The following HSPB7 variants were observed in gnomAD, a reference collection of about 807,000 sequenced individuals.
HSPB7 encodes the protein heat shock protein family B (small) member 7.
A neutral mutation model predicts 11.0 loss-of-function variants in HSPB7; 9 were observed. The observed-to-expected ratio is 0.82, with a 90% confidence interval of 0.49 to 1.43. The LOEUF (loss-of-function observed/expected upper bound fraction) is 1.43. Ranked by LOEUF, HSPB7 falls within the 40% of genes most tolerant of loss-of-function variation. The pLI is 0.00. For synonymous variants in HSPB7, 102 were observed against 101.6 expected, an observed-to-expected ratio of 1.00 and a Z score of -0.02; for missense variants, 246 against 243.9, an observed-to-expected ratio of 1.01 and a Z score of -0.06.
Position 16,017,166 on chromosome 1 carries a change from C to T in HSPB7, c.241G>A (p.Ala81Thr), listed in dbSNP as rs760792798. The stretch of plus-strand genomic sequence containing the variant: ...CTCACGTCCACCGCAAACTCATAGG[C>T]GTCTCCTAGGGTCTTGATGTTGCCT... The part of the protein sequence containing the change: ...GAGNIKTLGD[A>T]YEFAVDVRDF... Residue 81 changes from alanine to threonine, a missense_variant, in exon 2 of 3, where the codon GCC (alanine) becomes ACC (threonine). Coordinates refer to ENST00000311890, the MANE Select transcript of HSPB7 (RefSeq NM_014424.5). The T allele has an allele frequency of 5.9e-5, 96 of 1,613,720 alleles. No individual in the cohort carries two copies. The highest frequency in any genetic ancestry group is 8.0e-5 in the Non-Finnish European group (94 of 1,179,808).
chr1:16,015,476 G>A lies in HSPB7; in HGVS notation c.*104C>T, dbSNP rs2021633039. The A allele has an allele frequency of 1.7e-6, 2 of 1,149,280 alleles. No homozygotes were observed. Among genetic ancestry groups the A allele is most frequent in the East Asian group, 5.0e-5 (2 of 39,774 alleles). 71.2% of individuals were successfully genotyped at this position (1,149,280 alleles called of 1,614,324 possible). ...CACCTGGGGTCTGGGGTGCGTGGGG[G>A]CTAGAACCTGGGCTGAGATGTCCTG... On this transcript the variant is annotated 3_prime_UTR_variant, in exon 3 of 3. Coordinates refer to ENST00000311890, the MANE Select transcript of HSPB7 (RefSeq NM_014424.5). This position sits in a 1 kb window ranked among gnomAD's most constrained non-coding sequence, Gnocchi z 4.9.
chr1:16,018,915 T>G (rs2021956052), upstream of HSPB7: 2 of 1,198,762 alleles, frequency 1.7e-6, no homozygotes, highest in African/African-American at 3.1e-5. Flanking sequence ...GTGGAGGGGC[T>G]CTTCCCATGT....
rs769440200 is a variant in HSPB7 at position 16,017,904 on chromosome 1, AGAG to A, written c.57_59del (p.Ser25del). Reference sequence around the variant, plus strand: ...AGGAGGAGGTGGAAGAGGAGGAGGAAGAGGAAGAGGAATGGAAACTTCTCTCCG... The same window carrying A: ...AGGAGGAGGTGGAAGAGGAGGAGGAAGAAGAGGAATGGAAACTTCTCTCCG... On this transcript the variant is annotated inframe_deletion, in exon 1 of 3. Transcript: ENST00000311890. 11 of 1,613,326 alleles carry A rather than the reference AGAG, an allele frequency of 6.8e-6. No homozygotes were observed. Among genetic ancestry groups the A allele is most frequent in the African/African-American group, 2.7e-5 (2 of 74,936 alleles).
In HSPB7 at chr1:16,015,560, G is replaced by GA. The variant is rs1287293629; in HGVS notation, c.*19dup. The GA allele has an allele frequency of 1.9e-6, 3 of 1,612,628 alleles. No individual in the cohort carries two copies. The highest frequency in any genetic ancestry group is 2.5e-6 in the Non-Finnish European group (3 of 1,178,910). On this transcript the variant is annotated 3_prime_UTR_variant, in exon 3 of 3. Coordinates refer to ENST00000311890, the MANE Select transcript of HSPB7 (RefSeq NM_014424.5). The surrounding 1 kb of genome is among the most constrained non-coding windows in gnomAD (Gnocchi z 4.9). ...GGCAGGCGTGGGGCGGGGGGACAGG[G>GA]AAAGGGAAGGGAGAGGCACTCAGAT...
chr1:16,018,092 T>G (rs1216311089), upstream of HSPB7: 1 of 1,566,470 alleles, frequency 6.4e-7, no homozygotes, highest in African/African-American at 1.4e-5. Context: ...TCCCTGGGCT[T>G]GGGGCCAGCC....
intron 1 of HSPB7, 96 bp from the exon 2 acceptor site, chr1:16,017,303 C>T (rs2021812177): frequency 6.7e-7 from 1 of 1,482,864 alleles, no homozygotes; most frequent in Non-Finnish European, 9.2e-7. Flanking sequence ...GGCGGCTCCC[C>T]CAGGCCCTAC....
chr1:16,016,564 G>A (rs2021744054), intron 2 of HSPB7, among the ~76,000 whole-genome samples: 1 of 152,194 alleles, frequency 6.6e-6, no homozygotes, highest in South Asian at 2.1e-4. Flanking sequence ...CCCCTGCCCA[G>A]CCTCGGGCCT....
At chr1:16,019,182 C>G (rs1466065985), upstream of HSPB7, 2 of 1,550,468 alleles carry the variant, frequency 1.3e-6, no homozygotes, top group African/African-American at 1.4e-5. Context: ...GCCAGGCCCT[C>G]TGCTCTGCCC....
At chr1:16,019,489 G>A (rs2021983848), upstream of HSPB7, 4 of 1,530,700 alleles carry the variant, frequency 2.6e-6, no homozygotes, top group East Asian at 7.4e-5. Context: ...GGTTCTTGAA[G>A]ACGGGCAGTT....
At position 16,015,794 on chromosome 1, in the gene HSPB7, C is replaced by A; in HGVS notation, c.334-35G>T. The A allele has an allele frequency of 6.5e-7, 1 of 1,540,764 alleles. No homozygotes were observed. Among genetic ancestry groups the A allele is most frequent in the East Asian group, 2.3e-5 (1 of 44,078 alleles). On this transcript the variant is annotated intron_variant, in intron 2 of 2. Transcript: ENST00000311890. This position sits in a 1 kb window ranked among gnomAD's most constrained non-coding sequence, Gnocchi z 4.9. The stretch of plus-strand genomic sequence containing the variant: ...GGGTGACCCGTCAGGCAGGCTGCCC[C>A]GACCCCTGTCCTGCTTGTGACAAGC...
At chr1:16,018,238 T>C, upstream of HSPB7, 2 of 1,447,734 alleles carry the variant, frequency 1.4e-6, no homozygotes, top group Admixed American at 2.1e-5. Flanking sequence ...TCCAGGCTGA[T>C]CACAGCAGCC....
At chr1:16,019,537 C>T, upstream of HSPB7, 3 of 1,476,380 alleles carry the variant, frequency 2.0e-6, no homozygotes, top group South Asian at 1.4e-5. Context: ...CAGTCTGGAG[C>T]TTCATCCTGG....
In HSPB7 at chr1:16,015,345, A is replaced by T; in HGVS notation, c.*235T>A. ...CCTGACCCCAGCCCCTGTACTCTGGATTAAGTGACGGAGGCCAAATCTGAA... is the reference window on the plus strand; with the variant it reads ...CCTGACCCCAGCCCCTGTACTCTGGTTTAAGTGACGGAGGCCAAATCTGAA... On this transcript the variant is annotated 3_prime_UTR_variant, in exon 3 of 3. Transcript: ENST00000311890. This position sits in a 1 kb window ranked among gnomAD's most constrained non-coding sequence, Gnocchi z 4.9. 1 of 534,384 alleles carries T rather than the reference A, an allele frequency of 1.9e-6. No homozygotes were observed. The highest frequency in any genetic ancestry group is 3.3e-5 in the East Asian group (1 of 29,886). 33.1% of individuals were successfully genotyped at this position (534,384 alleles called of 1,614,324 possible). A position where few individuals can be genotyped will look rare whatever the true frequency, so the allele number is the denominator to read the frequency against.
At chr1:16,018,566 G>A, upstream of HSPB7, 2 of 1,059,240 alleles carry the variant, frequency 1.9e-6, no homozygotes, top group Non-Finnish European at 2.3e-6. Flanking sequence ...CCTGCCAGGG[G>A]GTGTAAAATG....
upstream of HSPB7, chr1:16,019,322 G>C (rs547933741): frequency 3.0e-5 from 43 of 1,426,028 alleles, no homozygotes; most frequent in Middle Eastern, 3.5e-4. Context: ...ACCCAGTCCA[G>C]ATGCCCCCAG....
chr1:16,017,351 TC>T lies in HSPB7; in HGVS notation c.200-145del. ...TGTTTCTCCCTAAGCTCCTCCTCAT[TC>T]CTACAGCCCACCTTTTCTGGGGTGG... is the stretch of plus-strand genomic sequence containing the variant. On this transcript the variant is annotated intron_variant, in intron 1 of 2. Transcript: ENST00000311890. 5.6e-6 allele frequency: 6 copies of T among 1,063,966 alleles called. 1 individual carries two copies. The South Asian group carries it at 9.4e-5, about 17-fold the overall frequency. 65.9% of individuals were successfully genotyped at this position (1,063,966 alleles called of 1,614,324 possible).
rs142826385 is a variant in HSPB7, at chr1:16,015,608, T to C, written c.485A>G (p.Gln162Arg). 2 of 1,613,986 alleles carry C rather than the reference T, an allele frequency of 1.2e-6. No individual in the cohort carries two copies. Among genetic ancestry groups the C allele is most frequent in the Non-Finnish European group, 1.7e-6 (2 of 1,179,996 alleles). ...RRHPHTEHVQ[Q>R]TFRTEIKI is the part of the protein sequence containing the mutation. ...GATTTTGATCTCCGTCCGGAAGGTC[T>C]GCTGGACGTGTTCTGTATGCGGGTG... Residue 162 changes from glutamine (Q) to arginine (R), a missense_variant, in exon 3 of 3, where the codon CAG becomes CGG. Physicochemically the swap from Gln to Arg is conservative, Grantham distance 43. Transcript: ENST00000311890. The surrounding 1 kb of genome is among the most constrained non-coding windows in gnomAD (Gnocchi z 4.9).
Position 16,014,695 on chromosome 1 carries a change from C to T in HSPB7, c.*885G>A, listed in dbSNP as rs561218783. The T allele has an allele frequency of 1.3e-5, 2 of 152,330 alleles. No homozygotes were observed. The highest frequency in any genetic ancestry group is 6.5e-5 in the Admixed American group (1 of 15,298). 9.4% of individuals were successfully genotyped at this position (152,330 alleles called of 1,614,324 possible). On this transcript the variant is annotated 3_prime_UTR_variant, in exon 3 of 3. Transcript: ENST00000311890. ...AGGGGGATGGATGGAGAGCTGACTG[C>T]CCGGAGGGGAAGGTGGCAAGAAGCT... is the stretch of plus-strand genomic sequence containing the variant.
intron 1 of HSPB7, 116 bp from the exon 2 acceptor site, chr1:16,017,323 A>G (rs1324088496): frequency 1.5e-5 from 21 of 1,394,976 alleles, no homozygotes; most frequent in Non-Finnish European, 2.0e-5. Flanking sequence ...CCTCCCCCCT[A>G]GCTGTTTCTC....
Sources: allele counts gnomAD v4.1 joint callset (sites outside exome capture counted in the v4.1 genomes callset), GRCh38; gene constraint gnomAD v4.1.1; non-coding constraint Gnocchi (gnomAD v3.1); transcripts MANE v1.5; gene names NCBI Gene and HGNC (gene_info 2026-07-23, HGNC 2026-07-21).